Variants in MCTP2 observed in about 807,000 individuals in gnomAD.
The protein encoded by MCTP2 is multiple C2 and transmembrane domain-containing protein 2.
In MCTP2, 132 loss-of-function variants were observed where a neutral mutation model predicts 111.6. That is an observed-to-expected ratio of 1.18 (90% CI 1.03 to 1.37). The LOEUF (loss-of-function observed/expected upper bound fraction) is 1.37. Ranked by LOEUF, MCTP2 falls within the 40% of genes most tolerant of loss-of-function variation. The probability of loss-of-function intolerance (pLI) is 0.00; values close to 1 mark genes in which losing one functional copy is unlikely to be tolerated. For missense variants in MCTP2, 1,183 were observed against 1,067.9 expected, an observed-to-expected ratio of 1.11 and a Z score of -1.50; for synonymous variants, 395 against 387.7, an observed-to-expected ratio of 1.02 and a Z score of -0.22.
chr15:94,331,364 A>T (rs2077124486), intron 4 of MCTP2, among the ~76,000 whole-genome samples: 1 of 152,176 alleles, frequency 6.6e-6, no homozygotes, highest in Non-Finnish European at 1.5e-5. Context: ...TAAGCTGCAG[A>T]TCTACAAAGG....
intron 4 of MCTP2, among the ~76,000 whole-genome samples, chr15:94,324,935 G>C (rs1308200287): frequency 6.6e-6 from 1 of 152,102 alleles, no homozygotes; most frequent in Non-Finnish European, 1.5e-5. Context: ...GATGTTGCTA[G>C]AACTCTGTAT....
chr15:94,464,221 T>G lies in MCTP2; in HGVS notation c.2360+5975T>G, dbSNP rs550934818. On this transcript the variant is annotated intron_variant, in intron 20 of 22. Transcript: ENST00000357742. The stretch of plus-strand genomic sequence containing the variant: ...TTTGGAGATGATTTTGCATGAAATA[T>G]TATATGTTTATATATATAATATATA... Among the ~76,000 whole-genome samples, 13 of 110,686 alleles carry G rather than the reference T, an allele frequency of 1.2e-4. No individual in the cohort carries two copies. In the East Asian group the frequency reaches 2.5e-3, roughly 22 times the overall value. The allele number at this position is 110,686 out of a possible 152,430, so 72.6% of individuals were successfully genotyped here.
intron 20 of MCTP2, among the ~76,000 whole-genome samples, chr15:94,458,449 C>G (rs568589495): frequency 1.3e-5 from 2 of 152,190 alleles, no homozygotes; most frequent in Non-Finnish European, 2.9e-5. Flanking sequence ...GGTGACCATA[C>G]GGCCCAGTTT....
chr15:94,244,359 T>G (rs2071543467), intron 1 of MCTP2, among the ~76,000 whole-genome samples: 1 of 149,112 alleles, frequency 6.7e-6, no homozygotes, highest in East Asian at 2.0e-4. Flanking sequence ...TACACATACA[T>G]ATGTATATAT....
intron 9 of MCTP2, among the ~76,000 whole-genome samples, chr15:94,358,246 C>A (rs2078736641): frequency 6.6e-6 from 1 of 152,108 alleles, no homozygotes. Flanking sequence ...TAACAGTACT[C>A]TTTGTAACTT....
chr15:94,282,711 C>A (rs1040102722), intron 1 of MCTP2, among the ~76,000 whole-genome samples: 2 of 152,176 alleles, frequency 1.3e-5, no homozygotes, highest in Non-Finnish European at 2.9e-5. Flanking sequence ...TTTGATGGGG[C>A]TTTTTGCTTT....
intron 14 of MCTP2, among the ~76,000 whole-genome samples, chr15:94,394,082 C>T (rs1032222385): frequency 5.0e-5 from 7 of 138,658 alleles, no homozygotes; most frequent in African/African-American, 1.9e-4. Context: ...ATGTAAAAAA[C>T]GTGGTAGCTG....
intron 17 of MCTP2, among the ~76,000 whole-genome samples, chr15:94,438,521 A>G (rs1644741538): frequency 1.3e-5 from 2 of 152,170 alleles, no homozygotes; most frequent in Admixed American, 6.5e-5. Flanking sequence ...CCAGAAATAC[A>G]AGATTGCTTC....
chr15:94,275,196 A>T (rs2074126549), intron 1 of MCTP2, among the ~76,000 whole-genome samples: 1 of 152,236 alleles, frequency 6.6e-6, no homozygotes, highest in African/African-American at 2.4e-5. Flanking sequence ...TACAGAAAAC[A>T]TAATTAAATG....
At chr15:94,381,209 G>C (rs1390569463) in intron 12 of MCTP2, among the ~76,000 whole-genome samples, 1 of 152,170 alleles carries the variant, frequency 6.6e-6, no homozygotes, top group Admixed American at 6.5e-5. Flanking sequence ...ATTTGTTATT[G>C]AAATTTTACT....
rs946986088 is a variant in MCTP2 at position 94,337,172 on chromosome 15, C to T, written c.638-2118C>T. Among the ~76,000 whole-genome samples, 4 of 152,154 alleles carry T rather than the reference C, an allele frequency of 2.6e-5. No homozygotes were observed. The East Asian group carries it at 7.7e-4, about 29-fold the overall frequency. On this transcript the variant is annotated intron_variant, in intron 4 of 22. Coordinates refer to ENST00000357742, the MANE Select transcript of MCTP2 (RefSeq NM_001385001.1). Reference sequence around the variant, plus strand: ...TGTGCTCCCCCTTCTCTCAAATTTTCCCTAACAATTAACGCGGCACTAACT... The same window carrying T: ...TGTGCTCCCCCTTCTCTCAAATTTTTCCTAACAATTAACGCGGCACTAACT...
chr15:94,380,907 C>A (rs2080100906), intron 12 of MCTP2, among the ~76,000 whole-genome samples: 2 of 152,152 alleles, frequency 1.3e-5, no homozygotes, highest in South Asian at 4.1e-4. Context: ...TCAAGAAATA[C>A]AAATAAATTT....
chr15:94,439,162 A>G (rs1237474751), intron 17 of MCTP2, among the ~76,000 whole-genome samples: 2 of 152,222 alleles, frequency 1.3e-5, no homozygotes, highest in African/African-American at 2.4e-5. Flanking sequence ...TTTATTTACA[A>G]TGGGCACCAA....
intron 18 of MCTP2, among the ~76,000 whole-genome samples, chr15:94,442,260 C>T (rs1435557395): frequency 6.6e-6 from 1 of 152,152 alleles, no homozygotes; most frequent in Non-Finnish European, 1.5e-5. Context: ...TATGATCAAA[C>T]TCTGGCCATT....
At position 94,367,615 on chromosome 15, in the gene MCTP2, G is replaced by T; in HGVS notation, c.1312G>T (p.Asp438Tyr). ...HEERLGTCKV[D>Y]ISALPLKQAN... ...CTGAAACTTTTCTAGGTGTAAAGTG[G>T]ATATCTCGGCACTCCCTCTGAAGCA... The change falls in exon 11 of 23, where the codon GAT becomes TAT. Residue 438 changes from aspartate to tyrosine, a missense_variant. Asp to Tyr is a radical substitution (Grantham distance 160). Coordinates refer to ENST00000357742, the MANE Select transcript of MCTP2 (RefSeq NM_001385001.1). 2 of 1,606,902 alleles carry T rather than the reference G, an allele frequency of 1.2e-6. No individual in the cohort carries two copies. Among genetic ancestry groups the T allele is most frequent in the Admixed American group, 1.7e-5 (1 of 59,038 alleles).
intron 19 of MCTP2, 39 bp downstream of exon 19, chr15:94,442,999 T>G (rs200235871): frequency 6.3e-7 from 1 of 1,581,302 alleles, no homozygotes; most frequent in African/African-American, 1.4e-5. Context: ...AAAAAAACAC[T>G]AGTGTTGTCA....
At chr15:94,374,037 G>A (rs139978796) in intron 12 of MCTP2, among the ~76,000 whole-genome samples, 1 of 152,244 alleles carries the variant, frequency 6.6e-6, no homozygotes, top group South Asian at 2.1e-4. Flanking sequence ...GCGTTCTAAT[G>A]ATTAACTGAA....
intron 1 of MCTP2, among the ~76,000 whole-genome samples, chr15:94,250,226 G>C (rs1441667591): frequency 1.3e-5 from 2 of 152,112 alleles, no homozygotes; most frequent in African/African-American, 4.8e-5. Context: ...GAAAATGAGT[G>C]GCTCGTATTT....
intron 16 of MCTP2, 129 bp downstream of exon 16, chr15:94,400,124 C>G (rs1193778162): frequency 1.4e-5 from 10 of 710,798 alleles, no homozygotes; most frequent in African/African-American, 1.8e-5. Context: ...TCCCTCTTGC[C>G]CCATCTCTCC....
Sources: gnomAD v4.1 joint callset for allele counts (sites outside exome capture counted in the v4.1 genomes callset) on GRCh38, gnomAD v4.1.1 for gene constraint, MANE v1.5 for transcripts, NCBI Gene and HGNC (gene_info 2026-07-23, HGNC 2026-07-21) for gene names.